The following WDR45 variants were observed in gnomAD, a reference collection of about 807,000 sequenced individuals.
WDR45 encodes the protein WD repeat domain phosphoinositide-interacting protein 4.
Under a neutral mutation model 27.3 loss-of-function variants are expected in WDR45, and 2 were observed. The ratio of observed to expected loss-of-function variants is 0.07; its 90% confidence interval spans 0.03 to 0.23. The LOEUF (loss-of-function observed/expected upper bound fraction) is 0.23, where lower values mean the gene tolerates loss of function less well. Ranked by LOEUF, WDR45 falls within the 10% of genes least tolerant of loss-of-function variation. WDR45 has a pLI of 1.00. For missense variants in WDR45, 175 were observed against 311.9 expected (o/e 0.56, Z 3.31); for synonymous variants, 99 against 119.2 (o/e 0.83, Z 1.11).
chrX:49,085,559 A>C (rs1283961935), intron 2 of WDR45, among the ~76,000 whole-genome samples: 1 of 113,046 alleles, frequency 8.8e-6, no homozygotes, highest in African/African-American at 3.2e-5. Flanking sequence ...TCTGTTATCC[A>C]AACAAAGATT....
intron 2 of WDR45, among the ~76,000 whole-genome samples, chrX:49,088,268 G>T (rs782571780): frequency 1.8e-5 from 2 of 111,477 alleles, no homozygotes; most frequent in African/African-American, 6.5e-5. Context: ...TTAGCTGGGC[G>T]TGGTGGCGTG....
In WDR45 at chrX:49,092,171, CACTTTGTTATATTTTGTAT is replaced by C. The variant is rs781912788; in HGVS notation, c.-18+8015_-18+8033del. Among the ~76,000 whole-genome samples, 321 of 94,905 alleles carry C rather than the reference CACTTTGTTATATTTTGTAT, an allele frequency of 3.4e-3. 1 individual carries two copies. The highest frequency in any genetic ancestry group is 5.1e-3 in the Non-Finnish European group (244 of 47,551). The allele number at this position is 94,905 out of a possible 115,157, so 82.4% of individuals were successfully genotyped here. A position where few individuals can be genotyped will look rare whatever the true frequency, so the allele number is the denominator to read the frequency against. ...AAAATATAACAAAGTATATTTTGTA[CACTTTGTTATATTTTGTAT>C]ACTTTGTTATATTTTGTATGCTATA... is the stretch of plus-strand genomic sequence containing the variant. On this transcript the variant is annotated intron_variant, in intron 2 of 11. Coordinates refer to the WDR45 transcript ENST00000356463.
intron 6 of WDR45, 162 bp downstream of exon 6, chrX:49,076,268 G>T: frequency 1.6e-6 from 1 of 616,095 alleles, no homozygotes. Context: ...GGGAGAACTG[G>T]CTGAGGGCTG....
At chrX:49,085,486 G>A (rs1008139278) in intron 2 of WDR45, among the ~76,000 whole-genome samples, 2 of 112,064 alleles carry the variant, frequency 1.8e-5, no homozygotes, top group Admixed American at 9.5e-5. Flanking sequence ...AGATCCTTAG[G>A]AATAACAAAG....
upstream of WDR45, among the ~76,000 whole-genome samples, chrX:49,083,385 A>G (rs2065076034): frequency 1.0e-5 from 1 of 96,680 alleles, no homozygotes; most frequent in African/African-American, 4.1e-5. Context: ...TCCAAATATT[A>G]GAATATCCTT....
chrX:49,076,688 T>C lies in WDR45; in HGVS notation c.298A>G (p.Thr100Ala). ...ACAGAAAGCACTGGCTTGGTGAAGG[T>C]GAACTCCAGCACCAGCTTCTCCTTG... ...DSKEKLVLEF[T>A]FTKPVLSVRM... The change falls in exon 5 of 11, where the codon ACC becomes GCC. Residue 100 changes from threonine (T) to alanine (A), a missense_variant. By Grantham distance (58) the Thr-to-Ala change is moderately conservative. Around this residue, in one of 3 missense-constraint regions of WDR45, gnomAD observed 102 missense variants for 165.4 expected, o/e 0.62. Coordinates refer to ENST00000376372, the MANE Select transcript of WDR45 (RefSeq NM_001029896.2). 8.3e-7 allele frequency: 1 copy of C among 1,210,658 alleles called. No individual in the cohort carries two copies.
At chrX:49,088,375 C>T (rs782010744) in intron 2 of WDR45, among the ~76,000 whole-genome samples, 116 of 111,562 alleles carry the variant, frequency 1.0e-3, no homozygotes, top group Non-Finnish European at 1.5e-3. Flanking sequence ...CCATTGCACT[C>T]CAGCCTGGGC....
rs371546812 is a variant in WDR45, at chrX:49,078,131, A to C, written c.-17-19T>G. 1.5e-4 allele frequency: 174 copies of C among 1,186,292 alleles called. No homozygotes were observed. The African/African-American group carries it at 2.6e-3, about 18-fold the overall frequency. ...TGTTCCTCTGCATACAAATGGGATA[A>C]AGATGAGAAGAGTCCTGGAATCTCC... On this transcript the variant is annotated intron_variant, in intron 1 of 10. Coordinates refer to ENST00000376372, the MANE Select transcript of WDR45 (RefSeq NM_001029896.2).
intron 2 of WDR45, among the ~76,000 whole-genome samples, chrX:49,090,282 C>T (rs984697466): frequency 1.8e-5 from 2 of 110,915 alleles, no homozygotes; most frequent in East Asian, 2.8e-4. Context: ...CAGGCTGGTC[C>T]GGAACTCCTG....
At chrX:49,080,888 ATTTT>A (rs782319738), upstream of WDR45, among the ~76,000 whole-genome samples, 2 of 42,419 alleles carry the variant, frequency 4.7e-5, no homozygotes, top group African/African-American at 9.1e-5. Flanking sequence ...ACTGGAAGGA[ATTTT>A]TTTTTTTTTT....
chrX:49,083,316 G>A (rs868915775), upstream of WDR45, among the ~76,000 whole-genome samples: 3 of 72,040 alleles, frequency 4.2e-5, no homozygotes, highest in East Asian at 4.2e-4. Flanking sequence ...CCGGCCTCTC[G>A]TTTTTTTTTT....
intron 2 of WDR45, among the ~76,000 whole-genome samples, chrX:49,089,904 G>T (rs2065098841): frequency 9.1e-6 from 1 of 110,356 alleles, no homozygotes; most frequent in East Asian, 2.8e-4. Flanking sequence ...GACACAATAG[G>T]CCACATATTT....
At chrX:49,085,639 C>T (rs1557085812) in intron 2 of WDR45, among the ~76,000 whole-genome samples, 1 of 112,677 alleles carries the variant, frequency 8.9e-6, no homozygotes, top group Non-Finnish European at 1.9e-5. Flanking sequence ...CTTTGGGAGG[C>T]GGAAGGTGAG....
At chrX:49,080,252 C>G (rs1254307941), upstream of WDR45, 1 of 111,796 alleles carries the variant, frequency 8.9e-6, no homozygotes, top group Non-Finnish European at 1.9e-5. Flanking sequence ...GTAGCCGCCC[C>G]GGTTCGCAAC....
At chrX:49,099,906 A>AG (rs2065139747) in intron 2 of WDR45, among the ~76,000 whole-genome samples, 1 of 110,789 alleles carries the variant, frequency 9.0e-6, no homozygotes, top group Admixed American at 9.7e-5. Context: ...CAGACCTGAT[A>AG]TCAAGGTTGG....
chrX:49,080,091 ACTGT>A (rs1173331568), upstream of WDR45: 3 of 112,865 alleles, frequency 2.7e-5, no homozygotes, highest in Admixed American at 1.9e-4. Context: ...CAAGGCCGAG[ACTGT>A]CTGAGGGAAC....
intron 2 of WDR45, among the ~76,000 whole-genome samples, chrX:49,092,732 T>C (rs2065111728): frequency 1.8e-5 from 2 of 111,701 alleles, no homozygotes; most frequent in African/African-American, 6.5e-5. Flanking sequence ...AATGTAACTT[T>C]GAAACTTTGA....
chrX:49,079,078 G>A (rs1372243244), intron 1 of WDR45: 2 of 110,699 alleles, frequency 1.8e-5, no homozygotes, highest in African/African-American at 6.6e-5. Flanking sequence ...TACCCTTCAG[G>A]GCCAGCCTAG....
chrX:49,084,319 G>A (rs1388127481), upstream of WDR45, among the ~76,000 whole-genome samples: 1 of 107,546 alleles, frequency 9.3e-6, no homozygotes, highest in Non-Finnish European at 1.9e-5. Context: ...CAAAGTGCTG[G>A]GATTACAGGC....
Sources: allele counts gnomAD v4.1 joint callset (sites outside exome capture counted in the v4.1 genomes callset), GRCh38; gene constraint gnomAD v4.1.1; regional missense constraint gnomAD v4.1.1; transcripts MANE v1.5; gene names NCBI Gene and HGNC (gene_info 2026-07-23, HGNC 2026-07-21).